Variants in DNER observed in about 807,000 individuals in gnomAD.
DNER encodes the protein delta/notch like EGF repeat containing, also known as delta and Notch-like epidermal growth factor-related receptor.
A neutral mutation model predicts 78.2 loss-of-function variants in DNER; 33 were observed. The observed-to-expected ratio is 0.42, with a 90% CI of 0.32 to 0.56. DNER has a LOEUF of 0.56. Among genes scored for constraint, DNER ranks in the 20% least tolerant of loss-of-function variants. The pLI, the probability that DNER is intolerant of heterozygous loss-of-function variation, is 0.11. For missense variants in DNER, 918 were observed against 975.3 expected (o/e 0.94, Z 0.78); for synonymous variants, 417 against 384.8 (o/e 1.08, Z -0.98).
intron 5 of DNER, among the ~76,000 whole-genome samples, chr2:229,525,093 C>T (rs1696183918): frequency 6.6e-6 from 1 of 152,196 alleles, no homozygotes; most frequent in Admixed American, 6.5e-5. Context: ...GGCTCTTTCA[C>T]ATGTGTGGTT....
intron 10 of DNER, among the ~76,000 whole-genome samples, chr2:229,406,472 C>T (rs949055658): frequency 6.6e-6 from 1 of 152,098 alleles, no homozygotes; most frequent in Non-Finnish European, 1.5e-5. Flanking sequence ...TTTCTTTCAC[C>T]TGTACTTTAT....
chr2:229,624,202 G>C (rs1348796224), intron 1 of DNER, among the ~76,000 whole-genome samples: 1 of 148,412 alleles, frequency 6.7e-6, no homozygotes, highest in Non-Finnish European at 1.5e-5. Flanking sequence ...AAATGAAACA[G>C]CAGGGAAGGC....
At position 229,625,272 on chromosome 2, in the gene DNER, G is replaced by A. The variant is rs1005158187; in HGVS notation, c.277-33384C>T. Among the ~76,000 whole-genome samples the A allele has an allele frequency of 5.3e-5, 8 of 152,042 alleles. 1 individual carries two copies. Among genetic ancestry groups the A allele is most frequent in the Non-Finnish European group, 1.2e-4 (8 of 68,012 alleles). ...TGGAAAATCACCGGGGGCTGGGAGG[G>A]GTGGCAGGAGGAAGCTCTCCCTCTT... On this transcript the variant is annotated intron_variant, in intron 1 of 12. Coordinates refer to ENST00000341772, the MANE Select transcript of DNER (RefSeq NM_139072.4).
chr2:229,579,315 G>A (rs1363650684), intron 4 of DNER, among the ~76,000 whole-genome samples: 1 of 152,052 alleles, frequency 6.6e-6, no homozygotes, highest in East Asian at 1.9e-4. Flanking sequence ...AATCATCTTT[G>A]CACATCCAGA....
intron 4 of DNER, among the ~76,000 whole-genome samples, chr2:229,584,196 G>A (rs1027270776): frequency 1.3e-5 from 2 of 152,138 alleles, no homozygotes. Flanking sequence ...CTTAACATTT[G>A]TCAATTATCC....
At chr2:229,523,152 T>C (rs1696134563) in intron 5 of DNER, among the ~76,000 whole-genome samples, 1 of 152,220 alleles carries the variant, frequency 6.6e-6, no homozygotes, top group African/African-American at 2.4e-5. Context: ...CATCCACTCT[T>C]AGGTCTGGTA....
At chr2:229,682,299 G>T (rs968980562) in intron 1 of DNER, among the ~76,000 whole-genome samples, 1 of 152,156 alleles carries the variant, frequency 6.6e-6, no homozygotes, top group Non-Finnish European at 1.5e-5. Context: ...ATTAAAATTT[G>T]ATGAATATGT....
intron 5 of DNER, among the ~76,000 whole-genome samples, chr2:229,541,329 A>AT (rs140680464): frequency 7.2e-5 from 11 of 152,076 alleles, no homozygotes; most frequent in Non-Finnish European, 1.6e-4. Flanking sequence ...TTAGAAGAAG[A>AT]AGAGAATCTT....
At chr2:229,535,169 A>T (rs1343803711) in intron 5 of DNER, among the ~76,000 whole-genome samples, 1 of 152,230 alleles carries the variant, frequency 6.6e-6, no homozygotes, top group Admixed American at 6.5e-5. Context: ...AATTTAATGC[A>T]TTAAATATCA....
chr2:229,510,567 A>G (rs546284909), intron 6 of DNER, among the ~76,000 whole-genome samples: 2 of 152,230 alleles, frequency 1.3e-5, no homozygotes, highest in Non-Finnish European at 2.9e-5. Context: ...TCAGAGGTGG[A>G]AAAAATATGA....
At chr2:229,477,024 AC>A (rs1278170608) in intron 7 of DNER, 115 bp downstream of exon 7, 4 of 776,766 alleles carry the variant, frequency 5.1e-6, no homozygotes, top group Non-Finnish European at 7.9e-6. Flanking sequence ...TATAAATCAA[AC>A]AAAACAGGAA....
Position 229,547,015 on chromosome 2 carries a change from G to A in DNER, c.925C>T (p.Pro309Ser), listed in dbSNP as rs752089753. 2 of 1,614,128 alleles carry A rather than the reference G, an allele frequency of 1.2e-6. No individual in the cohort carries two copies. The highest frequency in any genetic ancestry group is 3.3e-5 in the Admixed American group (2 of 60,020). Residue 309 changes from proline to serine, a missense_variant, in exon 5 of 13, where the codon CCG (proline) becomes TCG (serine). Physicochemically the swap from Pro to Ser is moderately conservative, Grantham distance 74 (BLOSUM62 -1). Coordinates refer to ENST00000341772, the MANE Select transcript of DNER (RefSeq NM_139072.4). ...TLVVKVSTCVPGESHANDLEC... is the reference protein window; with the variant it reads ...TLVVKVSTCVSGESHANDLEC... Reference sequence around the variant, plus strand: ...AAGTCATTTGCGTGACTCTCCCCCGGCACACAGGTGCTGACCTTCACCACC... The same window carrying A: ...AAGTCATTTGCGTGACTCTCCCCCGACACACAGGTGCTGACCTTCACCACC...
intron 5 of DNER, among the ~76,000 whole-genome samples, chr2:229,541,562 C>T (rs140562516): frequency 2.6e-4 from 39 of 152,058 alleles, no homozygotes; most frequent in African/African-American, 8.9e-4. Context: ...TTCACTCATA[C>T]AAAAATTCAA....
chr2:229,499,441 A>T (rs146071079), intron 6 of DNER, among the ~76,000 whole-genome samples: 16,329 of 140,102 alleles, frequency 0.12, 1,092 homozygotes, highest in South Asian at 0.18. Context: ...CAAGACTCCA[A>T]CTCAAAAAAA....
At chr2:229,409,945 T>C (rs983612357) in intron 9 of DNER, among the ~76,000 whole-genome samples, 6 of 152,136 alleles carry the variant, frequency 3.9e-5, no homozygotes, top group African/African-American at 1.2e-4. Context: ...ACACGGAGAA[T>C]AGACAATCAT....
At chr2:229,690,485 T>C (rs1243919446) in intron 1 of DNER, among the ~76,000 whole-genome samples, 1 of 152,190 alleles carries the variant, frequency 6.6e-6, no homozygotes, top group Non-Finnish European at 1.5e-5. Context: ...CTATGCCCAA[T>C]GCCAGGATCT....
At chr2:229,474,730 C>G (rs1694996324) in intron 7 of DNER, among the ~76,000 whole-genome samples, 1 of 152,170 alleles carries the variant, frequency 6.6e-6, no homozygotes, top group African/African-American at 2.4e-5. Flanking sequence ...TTCTGTTTCT[C>G]CATGAACAGC....
At chr2:229,368,737 C>T (rs1692407839) in intron 11 of DNER, among the ~76,000 whole-genome samples, 1 of 152,182 alleles carries the variant, frequency 6.6e-6, no homozygotes, top group Non-Finnish European at 1.5e-5. Context: ...TATTCTCTCT[C>T]CCCACTTTAC....
intron 1 of DNER, among the ~76,000 whole-genome samples, chr2:229,684,163 AGAGAGAGTGTGT>A (rs1172149254): frequency 6.5e-4 from 85 of 130,416 alleles, no homozygotes; most frequent in Admixed American, 2.5e-3. Context: ...AGAGAGAGAG[AGAGAGAGTGTGT>A]GTGTGTGTGT....
Sources: allele counts gnomAD v4.1 joint callset (sites outside exome capture counted in the v4.1 genomes callset), GRCh38; gene constraint gnomAD v4.1.1; transcripts MANE v1.5; gene names NCBI Gene and HGNC (gene_info 2026-07-23, HGNC 2026-07-21).